The following SRGAP3 variants were observed in gnomAD, a reference collection of about 807,000 sequenced individuals.
The protein encoded by SRGAP3 is SLIT-ROBO Rho GTPase-activating protein 3.
Under a neutral mutation model 121.1 loss-of-function variants are expected in SRGAP3, and 39 were observed. That is an observed-to-expected ratio of 0.32 (90% CI 0.25 to 0.42). SRGAP3 has a LOEUF of 0.42. Among genes scored for constraint, SRGAP3 ranks in the 10% least tolerant of loss-of-function variants. The pLI, the probability that SRGAP3 is intolerant of heterozygous loss-of-function variation, is 1.00. For missense variants in SRGAP3, 1,213 were observed against 1,470.6 expected, an observed-to-expected ratio of 0.82 and a Z score of 2.86; for synonymous variants, 601 against 570.0, an observed-to-expected ratio of 1.05 and a Z score of -0.77.
At chr3:9,259,265 G>T (rs1303324060) in intron 3 of SRGAP3, among the ~76,000 whole-genome samples, 1 of 151,888 alleles carries the variant, frequency 6.6e-6, no homozygotes, top group African/African-American at 2.4e-5. Context: ...ACCTACTTTG[G>T]TGGGGAGTGG....
intron 3 of SRGAP3, 56 bp from the exon 4 acceptor site, chr3:9,080,143 C>T: frequency 6.3e-7 from 1 of 1,584,250 alleles, no homozygotes; most frequent in Non-Finnish European, 8.7e-7. Context: ...CTACATTTAC[C>T]AATCTCTTTT....
intron 3 of SRGAP3, among the ~76,000 whole-genome samples, chr3:9,272,766 C>T (rs1954501505): frequency 6.6e-6 from 1 of 151,726 alleles, no homozygotes; most frequent in African/African-American, 2.4e-5. Flanking sequence ...TTTGTATATA[C>T]CTAGAAGTGA....
chr3:9,139,091 C>A lies in SRGAP3; in HGVS notation c.68-14174G>T, dbSNP rs77206697. Among the ~76,000 whole-genome samples, 1,162 of 152,312 alleles carry A rather than the reference C, an allele frequency of 7.6e-3. 18 individuals are homozygous for A. The highest frequency in any genetic ancestry group is 0.027 in the African/African-American group (1,104 of 41,572). Reference sequence around the variant, plus strand: ...TCCCAGCTGCTTGGCCAGTGCTCAACCCTTTTGTCCATAGTTCTTCATTTG... The same window carrying A: ...TCCCAGCTGCTTGGCCAGTGCTCAAACCTTTTGTCCATAGTTCTTCATTTG... On this transcript the variant is annotated intron_variant, in intron 1 of 21. Coordinates refer to ENST00000383836, the MANE Select transcript of SRGAP3 (RefSeq NM_014850.4).
At chr3:9,072,106 A>C (rs528049290) in intron 4 of SRGAP3, among the ~76,000 whole-genome samples, 1 of 152,262 alleles carries the variant, frequency 6.6e-6, no homozygotes, top group South Asian at 2.1e-4. Flanking sequence ...CCAACTACCC[A>C]TATCAGTCCT....
At chr3:9,248,067 G>A (rs1461189204) in intron 1 of SRGAP3, among the ~76,000 whole-genome samples, 1 of 152,238 alleles carries the variant, frequency 6.6e-6, no homozygotes, top group African/African-American at 2.4e-5. Context: ...TACACCCGGT[G>A]GCACAGAAGG....
In SRGAP3 at chr3:9,095,675, A is replaced by G. The variant is rs111412185; in HGVS notation, c.423+9005T>C. Among the ~76,000 whole-genome samples the G allele has an allele frequency of 9.8e-4, 150 of 152,286 alleles. 1 individual carries two copies. Among genetic ancestry groups the G allele is most frequent in the African/African-American group, 3.5e-3 (146 of 41,562 alleles). On this transcript the variant is annotated intron_variant, in intron 3 of 21. Coordinates refer to ENST00000383836, the MANE Select transcript of SRGAP3 (RefSeq NM_014850.4). ...CTCTTTCTGGGCTCTCTTCTGTCCA[A>G]TTGATCAGTTTGTCTAGCCCTGCTC...
At chr3:9,136,394 A>AGCCCCCCCCCCCC (rs1553675065) in intron 1 of SRGAP3, among the ~76,000 whole-genome samples, 1 of 35,326 alleles carries the variant, frequency 2.8e-5, no homozygotes. Context: ...CGTCGCTGGG[A>AGCCCCCCCCCCCC]CCCCCCCCCC....
At chr3:9,333,396 C>A (rs1249775534) in intron 1 of SRGAP3, among the ~76,000 whole-genome samples, 1 of 152,170 alleles carries the variant, frequency 6.6e-6, no homozygotes, top group African/African-American at 2.4e-5. Context: ...CAACATTACA[C>A]CCACTCAGCC....
chr3:9,079,304 T>C (rs1279074347), intron 4 of SRGAP3, among the ~76,000 whole-genome samples: 1 of 152,134 alleles, frequency 6.6e-6, no homozygotes, highest in East Asian at 1.9e-4. Flanking sequence ...CCACTCCCCA[T>C]ATCTCTCCAT....
upstream of SRGAP3, among the ~76,000 whole-genome samples, chr3:9,250,659 AG>A (rs1953989164): frequency 6.6e-6 from 1 of 152,200 alleles, no homozygotes; most frequent in South Asian, 2.1e-4. Flanking sequence ...AATAAACAGT[AG>A]CAACTGTTAT....
chr3:9,001,296 C>A (rs759313563), intron 18 of SRGAP3, among the ~76,000 whole-genome samples: 1 of 152,096 alleles, frequency 6.6e-6, no homozygotes, highest in Non-Finnish European at 1.5e-5. Flanking sequence ...TACTGCTTAC[C>A]CGGATCTAAT....
At chr3:9,118,525 A>T (rs536539293) in intron 2 of SRGAP3, among the ~76,000 whole-genome samples, 1 of 152,334 alleles carries the variant, frequency 6.6e-6, no homozygotes, top group South Asian at 2.1e-4. Flanking sequence ...CCTAGCTTGG[A>T]GAGGGCAGTG....
At chr3:9,011,925 C>T (rs1311489539) in intron 17 of SRGAP3, among the ~76,000 whole-genome samples, 1 of 152,158 alleles carries the variant, frequency 6.6e-6, no homozygotes, top group Non-Finnish European at 1.5e-5. Flanking sequence ...GATAAGTACA[C>T]GAAGATCTGT....
intron 5 of SRGAP3, among the ~76,000 whole-genome samples, 192 bp downstream of exon 5, chr3:9,064,204 T>C (rs912611011): frequency 3.9e-5 from 6 of 152,364 alleles, no homozygotes; most frequent in East Asian, 3.9e-4. Flanking sequence ...CGGGCATGCC[T>C]GGCTCCGCTT....
Position 9,005,391 on chromosome 3 carries a change from G to C in SRGAP3, c.2227+4917C>G, listed in dbSNP as rs138499601. On this transcript the variant is annotated intron_variant, in intron 18 of 21. Coordinates refer to ENST00000383836, the MANE Select transcript of SRGAP3 (RefSeq NM_014850.4). ...GGCAGTTCCTTAAATGACTGACATA[G>C]AGTTAGCATATGACCCAGCAATTCC... 1.4e-3 allele frequency among the ~76,000 whole-genome samples: 206 copies of C among 152,306 alleles called. 1 individual carries two copies. Among genetic ancestry groups the C allele is most frequent in the African/African-American group, 4.8e-3 (198 of 41,550 alleles).
At chr3:9,009,590 T>C (rs1469103551) in intron 18 of SRGAP3, among the ~76,000 whole-genome samples, 1 of 152,240 alleles carries the variant, frequency 6.6e-6, no homozygotes, top group Non-Finnish European at 1.5e-5. Context: ...CTTGGCACTA[T>C]GCCTACTCTG....
chr3:9,347,166 TTTTG>T (rs144999095), intron 1 of SRGAP3, among the ~76,000 whole-genome samples: 2,633 of 152,200 alleles, frequency 0.017, 89 homozygotes, highest in African/African-American at 0.059. Context: ...CTGTTGCTTT[TTTTG>T]TTTCTTTGTT....
intron 1 of SRGAP3, among the ~76,000 whole-genome samples, chr3:9,230,716 T>A (rs540410656): frequency 1.8e-4 from 28 of 152,132 alleles, no homozygotes; most frequent in African/African-American, 6.3e-4. Context: ...CAAAATTTTT[T>A]TTTAAAATTA....
chr3:9,357,456 G>C (rs751191167), intron 1 of SRGAP3, among the ~76,000 whole-genome samples: 44 of 151,870 alleles, frequency 2.9e-4, no homozygotes, highest in Non-Finnish European at 6.0e-4. Context: ...TGCATCTGAT[G>C]GTCTTAAACT....
Sources: gnomAD v4.1 joint callset for allele counts (sites outside exome capture counted in the v4.1 genomes callset) on GRCh38, gnomAD v4.1.1 for gene constraint, MANE v1.5 for transcripts, NCBI Gene and HGNC (gene_info 2026-07-23, HGNC 2026-07-21) for gene names.